Variants in TMEM106B observed in about 807,000 individuals in gnomAD.
TMEM106B encodes transmembrane protein 106B.
TMEM106B carries 15 observed loss-of-function variants against 31.1 expected under a neutral mutation model. The observed-to-expected ratio is 0.48, with a 90% CI of 0.32 to 0.74. The LOEUF (loss-of-function observed/expected upper bound fraction) is 0.74, where lower values mean the gene tolerates loss of function less well. TMEM106B is among the 30% of genes least tolerant of loss of function. The probability of loss-of-function intolerance (pLI) is 0.03; values close to 1 mark genes in which losing one functional copy is unlikely to be tolerated. For missense variants in TMEM106B, 283 were observed against 327.3 expected, an observed-to-expected ratio of 0.86 and a Z score of 1.04; for synonymous variants, 126 against 112.5, an observed-to-expected ratio of 1.12 and a Z score of -0.76.
In TMEM106B at chr7:12,242,442, C is replaced by T. The variant is rs566802179; in HGVS notation, c.*10467C>T. 6.8e-6 allele frequency: 1 copy of T among 146,426 alleles called. No individual in the cohort carries two copies. The allele number at this position is 146,426 out of a possible 1,614,324, so 9.1% of individuals were successfully genotyped here. ...TTAACAAAATCAAGTTTCAAGTTTT[C>T]TGCCTTGTTGATAACTTGTTAACAT... is the stretch of plus-strand genomic sequence containing the variant. On this transcript the variant is annotated 3_prime_UTR_variant, in exon 8 of 8. Coordinates refer to ENST00000396668, the MANE Select transcript of TMEM106B (RefSeq NM_001134232.2).
At chr7:12,229,973 T>G (rs532118701) in intron 5 of TMEM106B, among the ~76,000 whole-genome samples, 154 bp downstream of exon 5, 1 of 152,226 alleles carries the variant, frequency 6.6e-6, no homozygotes, top group East Asian at 1.9e-4. Context: ...TCCCCGCACC[T>G]TGGGAGGCTG....
rs1462646276 is a variant in TMEM106B, at chr7:12,240,156, G to C, written c.*8181G>C. 6.6e-6 allele frequency: 1 copy of C among 152,240 alleles called. No homozygotes were observed. The highest frequency in any genetic ancestry group is 1.9e-4 in the East Asian group (1 of 5,168). 9.4% of individuals were successfully genotyped at this position (152,240 alleles called of 1,614,324 possible). On this transcript the variant is annotated 3_prime_UTR_variant, in exon 8 of 8. Transcript: ENST00000396668. ...TCTTATTGCCCTTCAACAATGTCCTGACCAAATCGAGTTCTTTCTCATTGG... is the reference window on the plus strand; with the variant it reads ...TCTTATTGCCCTTCAACAATGTCCTCACCAAATCGAGTTCTTTCTCATTGG...
intron 4 of TMEM106B, among the ~76,000 whole-genome samples, chr7:12,229,203 C>G (rs1781963932): frequency 6.6e-6 from 1 of 151,944 alleles, no homozygotes; most frequent in Non-Finnish European, 1.5e-5. Context: ...GAAGGTGATC[C>G]CAGCTATTAG....
At chr7:12,225,739 G>A (rs1022046476) in intron 4 of TMEM106B, among the ~76,000 whole-genome samples, 1 of 151,878 alleles carries the variant, frequency 6.6e-6, no homozygotes, top group African/African-American at 2.4e-5. Flanking sequence ...TAAGTTCTTT[G>A]TAGATCCTGG....
In TMEM106B at chr7:12,242,592, T is replaced by A. The variant is rs1251919864; in HGVS notation, c.*10617T>A. ...TGTTTTACTGAAATATAAACTTTTA[T>A]GCATCTGATATTATCTAATTGTGTC... On this transcript the variant is annotated 3_prime_UTR_variant, in exon 8 of 8. Coordinates refer to ENST00000396668, the MANE Select transcript of TMEM106B (RefSeq NM_001134232.2). The A allele has an allele frequency of 6.6e-6, 1 of 152,158 alleles. No homozygotes were observed. Among genetic ancestry groups the A allele is most frequent in the Admixed American group, 6.6e-5 (1 of 15,266 alleles). 9.4% of individuals were successfully genotyped at this position (152,158 alleles called of 1,614,324 possible). A position where few individuals can be genotyped will look rare whatever the true frequency, so the allele number is the denominator to read the frequency against.
At chr7:12,225,635 T>G (rs1356336185) in intron 4 of TMEM106B, among the ~76,000 whole-genome samples, 2 of 152,220 alleles carry the variant, frequency 1.3e-5, no homozygotes, top group African/African-American at 4.8e-5. Flanking sequence ...GATGAGCATT[T>G]TTTCATGTGT....
intron 3 of TMEM106B, among the ~76,000 whole-genome samples, chr7:12,222,063 A>G (rs1050066109): frequency 3.9e-5 from 6 of 152,178 alleles, no homozygotes; most frequent in Non-Finnish European, 7.3e-5. Flanking sequence ...ATATTTATCA[A>G]TTGCTTTTGT....
In TMEM106B at chr7:12,239,465, C is replaced by T. The variant is rs1782202351; in HGVS notation, c.*7490C>T. 2 of 152,122 alleles carry T rather than the reference C, an allele frequency of 1.3e-5. No homozygotes were observed. Among genetic ancestry groups the T allele is most frequent in the Admixed American group, 1.3e-4 (2 of 15,266 alleles). The allele number at this position is 152,122 out of a possible 1,614,324, so 9.4% of individuals were successfully genotyped here. A position where few individuals can be genotyped will look rare whatever the true frequency, so the allele number is the denominator to read the frequency against. ...GTAAGGAAATAGCACTTTTAATTTC[C>T]TTCAAGAACTTTTCCTTTGCCTTCA... On this transcript the variant is annotated 3_prime_UTR_variant, in exon 8 of 8. Coordinates refer to ENST00000396668, the MANE Select transcript of TMEM106B (RefSeq NM_001134232.2).
intron 6 of TMEM106B, chr7:12,230,657 A>T: frequency 2.6e-6 from 1 of 379,924 alleles, no homozygotes; most frequent in Non-Finnish European, 4.6e-6. Context: ...TTTCAGAATT[A>T]GGGTTATACC....
At position 12,214,984 on chromosome 7, in the gene TMEM106B, T is replaced by C; in HGVS notation, c.174T>C (p.Ser58=). The change falls in exon 2 of 8, where the codon AGT becomes AGC. Residue 58 remains serine, a synonymous_variant. Transcript: ENST00000396668. ...ATGTGGAATTTACAGGAAGAGATAGTGTCACCTGCCCTACTTGTCAGGGAA... is the reference window on the plus strand; with the variant it reads ...ATGTGGAATTTACAGGAAGAGATAGCGTCACCTGCCCTACTTGTCAGGGAA... ...FPYVEFTGRD[S]VTCPTCQGTG... is the part of the protein sequence containing the mutation. 18 of 1,614,040 alleles carry C rather than the reference T, an allele frequency of 1.1e-5. No individual in the cohort carries two copies. Among genetic ancestry groups the C allele is most frequent in the Admixed American group, 1.7e-5 (1 of 60,028 alleles).
Position 12,233,113 on chromosome 7 carries a change from A to G in TMEM106B, c.*1138A>G, listed in dbSNP as rs1389209997. On this transcript the variant is annotated 3_prime_UTR_variant, in exon 8 of 8. Transcript: ENST00000396668. ...AATCACTTTGCACATCACTTGGAAT[A>G]TGATGCCTCTAGTAGTTACTTTTTT... is the stretch of plus-strand genomic sequence containing the variant. The G allele has an allele frequency of 6.6e-6, 1 of 151,768 alleles. No individual in the cohort carries two copies. The highest frequency in any genetic ancestry group is 2.4e-5 in the African/African-American group (1 of 41,430). 9.4% of individuals were successfully genotyped at this position (151,768 alleles called of 1,614,324 possible).
chr7:12,215,715 G>A, intron 2 of TMEM106B: 1 of 240,854 alleles, frequency 4.2e-6, no homozygotes, highest in South Asian at 4.9e-5. Context: ...ACCACGCCTG[G>A]CCAACCTAAT....
chr7:12,240,503 T>A lies in TMEM106B; in HGVS notation c.*8528T>A, dbSNP rs914909118. ...TTAGAGGTTGTGTTTTAATTACTAT[T>A]TTTAAAATCTTGTATGAGGTAGTAT... On this transcript the variant is annotated 3_prime_UTR_variant, in exon 8 of 8. Transcript: ENST00000396668. 1 of 152,188 alleles carries A rather than the reference T, an allele frequency of 6.6e-6. No individual in the cohort carries two copies. 9.4% of individuals were successfully genotyped at this position (152,188 alleles called of 1,614,324 possible).
chr7:12,218,596 T>A, intron 3 of TMEM106B, 75 bp downstream of exon 3: 1 of 1,236,924 alleles, frequency 8.1e-7, no homozygotes, highest in South Asian at 1.4e-5. Context: ...TTATGTATAA[T>A]AACTAGTTAA....
Position 12,231,930 on chromosome 7 carries a change from G to A in TMEM106B, c.780G>A (p.Gln260=), listed in dbSNP as rs1346029935. The change falls in exon 8 of 8, where the codon CAG becomes CAA. Residue 260 remains glutamine (Q), a synonymous_variant. Transcript: ENST00000396668. ...YVDCGRNTTY[Q]LGQSEYLNVL... ...ACTGTGGAAGAAACACAACTTATCA[G>A]TTGGGGCAGTCTGAATATTTAAATG... 3 of 1,612,196 alleles carry A rather than the reference G, an allele frequency of 1.9e-6. No homozygotes were observed. The highest frequency in any genetic ancestry group is 2.7e-5 in the African/African-American group (2 of 74,856).
rs188244766 is a variant in TMEM106B, at chr7:12,223,760, G to A, written c.282-466G>A. Among the ~76,000 whole-genome samples, 418 of 139,054 alleles carry A rather than the reference G, an allele frequency of 3.0e-3. 1 individual carries two copies. The highest frequency in any genetic ancestry group is 6.5e-3 in the African/African-American group (235 of 36,290). The allele number at this position is 139,054 out of a possible 152,430, so 91.2% of individuals were successfully genotyped here. A position where few individuals can be genotyped will look rare whatever the true frequency, so the allele number is the denominator to read the frequency against. Reference sequence around the variant, plus strand: ...TTTTGGTACAGAGTCTCGCTCTCTCGTCCAGGCAGGAGTGCGGTGGTGCGA... The same window carrying A: ...TTTTGGTACAGAGTCTCGCTCTCTCATCCAGGCAGGAGTGCGGTGGTGCGA... On this transcript the variant is annotated intron_variant, in intron 3 of 7. Transcript: ENST00000396668.
chr7:12,217,898 T>G (rs1426683279), intron 2 of TMEM106B, among the ~76,000 whole-genome samples: 4 of 152,046 alleles, frequency 2.6e-5, no homozygotes, highest in Non-Finnish European at 5.9e-5. Flanking sequence ...AAGAAAGAAA[T>G]CACGGATTTT....
rs35562417 is a variant in TMEM106B, at chr7:12,230,053, C to CAA, written c.582+240_582+241dup. ...GCAACATGGTGAAACCTCATCTCTA[C>CAA]AAAAAAATACAAAAATGTGCTGAGT... On this transcript the variant is annotated intron_variant, in intron 5 of 7. Coordinates refer to ENST00000396668, the MANE Select transcript of TMEM106B (RefSeq NM_001134232.2). 9.1e-3 allele frequency among the ~76,000 whole-genome samples: 1,378 copies of CAA among 151,064 alleles called. 25 individuals are homozygous for CAA. The highest frequency in any genetic ancestry group is 0.032 in the African/African-American group (1,308 of 41,046).
rs890298658 is a variant in TMEM106B at position 12,239,027 on chromosome 7, A to T, written c.*7052A>T. On this transcript the variant is annotated 3_prime_UTR_variant, in exon 8 of 8. Coordinates refer to ENST00000396668, the MANE Select transcript of TMEM106B (RefSeq NM_001134232.2). ...TTCTCTTTAGCTATGAAAGTTTTAG[A>T]TGGCACCTTTTTGTAAAAGAAGGTT... The T allele has an allele frequency of 6.6e-6, 1 of 152,182 alleles. No individual in the cohort carries two copies. Among genetic ancestry groups the T allele is most frequent in the Non-Finnish European group, 1.5e-5 (1 of 68,022 alleles). The allele number at this position is 152,182 out of a possible 1,614,324, so 9.4% of individuals were successfully genotyped here. A position where few individuals can be genotyped will look rare whatever the true frequency, so the allele number is the denominator to read the frequency against.
Sources: allele counts gnomAD v4.1 joint callset (sites outside exome capture counted in the v4.1 genomes callset), GRCh38; gene constraint gnomAD v4.1.1; transcripts MANE v1.5; gene names NCBI Gene and HGNC (gene_info 2026-07-23, HGNC 2026-07-21).